SEM1: variants seen among roughly 807,000 people sequenced by gnomAD.
SEM1 encodes 26S proteasome complex subunit SEM1.
SEM1 carries 3 observed loss-of-function variants against 12.7 expected under a neutral mutation model. The observed-to-expected ratio is 0.24, with a 90% CI of 0.11 to 0.61. The LOEUF (loss-of-function observed/expected upper bound fraction) is 0.61. Ranked by LOEUF, SEM1 falls within the 20% of genes least tolerant of loss-of-function variation. The probability of loss-of-function intolerance (pLI) is 0.88; values close to 1 mark genes in which losing one functional copy is unlikely to be tolerated. For missense variants in SEM1, 59 were observed against 81.3 expected (o/e 0.73, Z 1.06); for synonymous variants, 30 against 27.8 (o/e 1.08, Z -0.25).
chr7:96,573,977 G>A (rs1294507263), intron 2 of SEM1, among the ~76,000 whole-genome samples: 1 of 151,282 alleles, frequency 6.6e-6, no homozygotes, highest in Admixed American at 6.6e-5. Context: ...GAGTACATGC[G>A]CACAATGTGT....
intron 2 of SEM1, among the ~76,000 whole-genome samples, chr7:96,610,356 C>T (rs1807504028): frequency 6.6e-6 from 1 of 152,066 alleles, no homozygotes; most frequent in Admixed American, 6.6e-5. Flanking sequence ...GCCTGGGCCT[C>T]CCAAGGTGCT....
chr7:96,704,901 C>T lies in SEM1; in HGVS notation c.76+4787G>A, dbSNP rs1032625555. On this transcript the variant is annotated intron_variant, in intron 1 of 2. Transcript: ENST00000248566. Reference sequence around the variant, plus strand: ...ATAAATATTTCTCAATAGCATTTTTCACAGGGCAGTTCTTCCTCGTGCAGG... The same window carrying T: ...ATAAATATTTCTCAATAGCATTTTTTACAGGGCAGTTCTTCCTCGTGCAGG... Among the ~76,000 whole-genome samples, 3 of 152,310 alleles carry T rather than the reference C, an allele frequency of 2.0e-5. No individual in the cohort carries two copies. In the East Asian group the frequency reaches 5.8e-4, roughly 29 times the overall value.
intron 2 of SEM1, among the ~76,000 whole-genome samples, chr7:96,527,798 C>G (rs906978869): frequency 6.6e-6 from 1 of 152,126 alleles, no homozygotes; most frequent in African/African-American, 2.4e-5. Context: ...GTTGGTTTCT[C>G]TCCTGAGTGC....
rs1223775103 is a variant in SEM1, at chr7:96,589,369, G to A, written c.171-82671C>T. Among the ~76,000 whole-genome samples, 4 of 152,148 alleles carry A rather than the reference G, an allele frequency of 2.6e-5. No individual in the cohort carries two copies. In the East Asian group the frequency reaches 5.8e-4, roughly 22 times the overall value. On this transcript the variant is annotated intron_variant and NMD_transcript_variant, in intron 2 of 3. Coordinates refer to the SEM1 transcript ENST00000466986. ...AGGCTTGGGTTTGAATCCAGGCTGT[G>A]CTCTTCGGTCACTGTATGTGCTTCT...
intron 2 of SEM1, among the ~76,000 whole-genome samples, chr7:96,585,537 T>G (rs1401011034): frequency 6.6e-6 from 1 of 152,260 alleles, no homozygotes; most frequent in Non-Finnish European, 1.5e-5. Flanking sequence ...TAAGCAAGCC[T>G]GGGCAATGGC....
At chr7:96,508,373 C>T (rs1803821877) in intron 2 of SEM1, among the ~76,000 whole-genome samples, 1 of 151,940 alleles carries the variant, frequency 6.6e-6, no homozygotes, top group Non-Finnish European at 1.5e-5. Flanking sequence ...GCAATGATAT[C>T]ATAACAATGT....
intron 2 of SEM1, among the ~76,000 whole-genome samples, chr7:96,656,898 T>C (rs1584840407): frequency 6.6e-6 from 1 of 151,342 alleles, no homozygotes; most frequent in East Asian, 1.9e-4. Flanking sequence ...CATATGTATA[T>C]AAAATAAGTT....
chr7:96,657,727 G>C (rs944029715), intron 2 of SEM1, among the ~76,000 whole-genome samples: 1 of 152,212 alleles, frequency 6.6e-6, no homozygotes, highest in African/African-American at 2.4e-5. Flanking sequence ...ACTCACAAAA[G>C]AATTTCCTGC....
intron 2 of SEM1, among the ~76,000 whole-genome samples, chr7:96,682,796 C>A (rs1261549005): frequency 6.6e-6 from 1 of 151,794 alleles, no homozygotes; most frequent in Non-Finnish European, 1.5e-5. Flanking sequence ...ACATTGTATC[C>A]TTTGTCTATC....
intron 2 of SEM1, among the ~76,000 whole-genome samples, chr7:96,529,850 A>G (rs1313678223): frequency 6.6e-6 from 1 of 152,138 alleles, no homozygotes; most frequent in African/African-American, 2.4e-5. Flanking sequence ...TCTTGGTGAT[A>G]TGTAAAGGAA....
chr7:96,582,665 A>T (rs1333826753), intron 2 of SEM1, among the ~76,000 whole-genome samples: 1 of 152,266 alleles, frequency 6.6e-6, no homozygotes, highest in Non-Finnish European at 1.5e-5. Context: ...TTATTGGTCT[A>T]TTCAGAGATT....
intron 2 of SEM1, among the ~76,000 whole-genome samples, chr7:96,667,345 T>A (rs1789197245): frequency 6.6e-6 from 1 of 152,196 alleles, no homozygotes; most frequent in Non-Finnish European, 1.5e-5. Context: ...CTCAGCCAAC[T>A]ATTCCCTGGG....
chr7:96,514,259 G>T (rs1804022488), intron 2 of SEM1, among the ~76,000 whole-genome samples: 2 of 151,820 alleles, frequency 1.3e-5, no homozygotes, highest in Non-Finnish European at 2.9e-5. Context: ...TTTATTTATT[G>T]TAAGAAATGG....
chr7:96,595,838 G>T (rs940069284), intron 2 of SEM1, among the ~76,000 whole-genome samples: 1 of 152,032 alleles, frequency 6.6e-6, no homozygotes, highest in Non-Finnish European at 1.5e-5. Context: ...TGAAGTGAAC[G>T]CTGAGGTTGT....
intron 2 of SEM1, among the ~76,000 whole-genome samples, chr7:96,655,107 T>A (rs1809134887): frequency 6.6e-6 from 1 of 152,070 alleles, no homozygotes; most frequent in African/African-American, 2.4e-5. Flanking sequence ...CAGCAGGGGG[T>A]TAATTTTGTA....
rs200089162 is a variant in SEM1 at position 96,585,243 on chromosome 7, C to G, written c.171-78545G>C. 5.2e-3 allele frequency among the ~76,000 whole-genome samples: 787 copies of G among 152,288 alleles called. 6 individuals carry two copies. The highest frequency in any genetic ancestry group is 0.038 in the East Asian group (198 of 5,150). On this transcript the variant is annotated intron_variant and NMD_transcript_variant, in intron 2 of 3. Transcript: ENST00000466986. ...ATACCCTGCCGTGTGAGGTGTCAGT[C>G]TGCCCCTGCTGGGGGGTGCCTCCCA...
At chr7:96,497,006 TATACAC>T (rs920890567), upstream of SEM1, among the ~76,000 whole-genome samples, 31 of 95,868 alleles carry the variant, frequency 3.2e-4, no homozygotes, top group African/African-American at 1.1e-3. Flanking sequence ...CACGAGCACG[TATACAC>T]ACACACACAC....
intron 2 of SEM1, among the ~76,000 whole-genome samples, chr7:96,674,904 G>A (rs1180963701): frequency 6.6e-6 from 1 of 152,138 alleles, no homozygotes; most frequent in African/African-American, 2.4e-5. Context: ...CTTCTGTCCT[G>A]GAAAGCTGTG....
chr7:96,640,767 G>A lies in SEM1; in HGVS notation c.171-18124C>T, dbSNP rs959125611. 2.0e-5 allele frequency among the ~76,000 whole-genome samples: 3 copies of A among 151,924 alleles called. No individual in the cohort carries two copies. Among genetic ancestry groups the A allele is most frequent in the East Asian group, 3.9e-4 (2 of 5,182 alleles). ...TGGAAGTTCATTAGCTGTAACAAAT[G>A]TACCACTCTGTGGGGATGCTATAAA... On this transcript the variant is annotated intron_variant, in intron 2 of 2. Coordinates refer to the SEM1 transcript ENST00000417009. This position sits in a 1 kb window ranked among gnomAD's most constrained non-coding sequence, Gnocchi z 4.0.
Sources: gnomAD v4.1 joint callset for allele counts (sites outside exome capture counted in the v4.1 genomes callset) on GRCh38, gnomAD v4.1.1 for gene constraint, Gnocchi (gnomAD v3.1) non-coding constraint, MANE v1.5 for transcripts, NCBI Gene and HGNC (gene_info 2026-07-23, HGNC 2026-07-21) for gene names.